The following RBM27 variants were observed in gnomAD, a reference collection of about 807,000 sequenced individuals.
The protein encoded by RBM27 is RNA binding motif protein 27.
Under a neutral mutation model 135.3 loss-of-function variants are expected in RBM27, and 22 were observed. The observed-to-expected ratio is 0.16, with a 90% confidence interval of 0.12 to 0.23. The LOEUF is 0.23. RBM27 is among the 10% of genes least tolerant of loss of function. The pLI, the probability that RBM27 is intolerant of heterozygous loss-of-function variation, is 1.00. For synonymous variants in RBM27, 481 were observed against 442.4 expected (o/e 1.09, Z -1.10); for missense variants, 1,009 against 1,281.0 (o/e 0.79, Z 3.24).
chr5:146,269,687 C>T (rs1306499224), intron 17 of RBM27, 103 bp downstream of exon 17: 1 of 573,006 alleles, frequency 1.7e-6, no homozygotes, highest in Non-Finnish European at 2.6e-6. Context: ...AATATCCTAA[C>T]AGGGATATAG....
intron 1 of RBM27, among the ~76,000 whole-genome samples, chr5:146,208,480 A>G (rs1755800210): frequency 6.6e-6 from 1 of 152,190 alleles, no homozygotes; most frequent in Non-Finnish European, 1.5e-5. Flanking sequence ...GCAATGCAGT[A>G]AAAGGGAGGG....
intron 1 of RBM27, among the ~76,000 whole-genome samples, chr5:146,209,535 A>G (rs1349640883): frequency 6.6e-6 from 1 of 152,192 alleles, no homozygotes; most frequent in African/African-American, 2.4e-5. Flanking sequence ...ATCATGATGC[A>G]TATACTTTGG....
At chr5:146,235,159 T>A (rs1341995921) in intron 7 of RBM27, among the ~76,000 whole-genome samples, 4 of 152,216 alleles carry the variant, frequency 2.6e-5, no homozygotes, top group Admixed American at 2.6e-4. Context: ...CATTTTATTT[T>A]GAAATAATTA....
At chr5:146,233,788 A>G in intron 7 of RBM27, 45 bp downstream of exon 7, 2 of 1,311,724 alleles carry the variant, frequency 1.5e-6, no homozygotes, top group African/African-American at 1.5e-5. Flanking sequence ...TCTGTTTAGA[A>G]GAACCTCATC....
In RBM27 at chr5:146,238,657, A is replaced by AT. The variant is rs34275433; in HGVS notation, c.1279+1242dup. 6.6e-3 allele frequency among the ~76,000 whole-genome samples: 938 copies of AT among 142,420 alleles called. 5 individuals carry two copies. The highest frequency in any genetic ancestry group is 0.019 in the African/African-American group (722 of 38,708). The allele number at this position is 142,420 out of a possible 152,430, so 93.4% of individuals were successfully genotyped here. A position where few individuals can be genotyped will look rare whatever the true frequency, so the allele number is the denominator to read the frequency against. On this transcript the variant is annotated intron_variant, in intron 8 of 20. Transcript: ENST00000265271. ...GTTGTTAAAAATGTCAAATTAGAAGATTTTTTTTTTTTTTTTTACAAGGCC... is the reference window on the plus strand; with the variant it reads ...GTTGTTAAAAATGTCAAATTAGAAGATTTTTTTTTTTTTTTTTTACAAGGCC...
chr5:146,210,591 A>G (rs1372624334), intron 1 of RBM27, among the ~76,000 whole-genome samples: 1 of 152,128 alleles, frequency 6.6e-6, no homozygotes, highest in East Asian at 1.9e-4. Context: ...GGCCCTCACT[A>G]GACTCCAAGT....
chr5:146,229,513 A>G (rs998372116), intron 4 of RBM27, among the ~76,000 whole-genome samples: 3 of 120,422 alleles, frequency 2.5e-5, no homozygotes, highest in Non-Finnish European at 5.1e-5. Flanking sequence ...TCTTTTTTTC[A>G]TTTCTCCCCA....
chr5:146,221,308 T>A (rs148420305), intron 2 of RBM27, among the ~76,000 whole-genome samples: 1 of 152,340 alleles, frequency 6.6e-6, no homozygotes, highest in East Asian at 1.9e-4. Context: ...AGCTTGTGTG[T>A]GTCTTTCTAG....
At chr5:146,236,559 T>G (rs558720499) in intron 7 of RBM27, among the ~76,000 whole-genome samples, 2 of 152,214 alleles carry the variant, frequency 1.3e-5, no homozygotes, top group South Asian at 4.1e-4. Context: ...TATTAAATTC[T>G]TTAATTCTAT....
intron 7 of RBM27, among the ~76,000 whole-genome samples, chr5:146,235,719 C>CCCTAA (rs1387054626): frequency 2.0e-5 from 3 of 151,386 alleles, no homozygotes; most frequent in Non-Finnish European, 4.4e-5. Context: ...TCACTCTGTG[C>CCCTAA]CCTAGGCTGG....
intron 19 of RBM27, among the ~76,000 whole-genome samples, chr5:146,280,441 T>G (rs1759288314): frequency 6.6e-6 from 1 of 152,214 alleles, no homozygotes; most frequent in African/African-American, 2.4e-5. Flanking sequence ...AACATATAGT[T>G]CAATGATTTA....
intron 19 of RBM27, among the ~76,000 whole-genome samples, chr5:146,281,220 G>A (rs1431084892): frequency 6.6e-6 from 1 of 152,018 alleles, no homozygotes; most frequent in Non-Finnish European, 1.5e-5. Context: ...AATGGCCCCC[G>A]AATGTAGTTC....
chr5:146,216,811 C>T (rs1381499412), intron 1 of RBM27, among the ~76,000 whole-genome samples: 1 of 152,104 alleles, frequency 6.6e-6, no homozygotes, highest in Non-Finnish European at 1.5e-5. Flanking sequence ...GTGTGCGCCA[C>T]CATGCCTGGC....
chr5:146,229,375 A>G (rs1756823505), intron 4 of RBM27, among the ~76,000 whole-genome samples: 1 of 152,180 alleles, frequency 6.6e-6, no homozygotes, highest in East Asian at 1.9e-4. Context: ...CAACTTGTAT[A>G]TTGAATCATC....
intron 18 of RBM27, 34 bp from the exon 19 acceptor site, chr5:146,271,449 T>A: frequency 6.5e-7 from 1 of 1,534,222 alleles, no homozygotes; most frequent in Non-Finnish European, 8.9e-7. Context: ...AGTCTAATAA[T>A]GTATGCTACA....
chr5:146,284,693 T>C lies in RBM27; in HGVS notation c.3060T>C (p.Ser1020=). 2 of 1,613,110 alleles carry C rather than the reference T, an allele frequency of 1.2e-6. No homozygotes were observed. Among genetic ancestry groups the C allele is most frequent in the Admixed American group, 1.7e-5 (1 of 59,904 alleles). ...CATGGCACAAGCCCAAGGTACCATC[T>C]ATATCCACTGAGACTGAAGAAGAAG... ...QISWHKPKVP[S]ISTETEEEEV... The change falls in exon 20 of 21, where the codon TCT becomes TCC. Residue 1020 remains serine (S), a synonymous_variant. Coordinates refer to ENST00000265271, the MANE Select transcript of RBM27 (RefSeq NM_018989.2).
intron 19 of RBM27, among the ~76,000 whole-genome samples, chr5:146,280,944 G>A (rs1759324117): frequency 1.3e-5 from 2 of 151,922 alleles, no homozygotes; most frequent in Non-Finnish European, 1.5e-5. Context: ...TGCAGCCTTC[G>A]CCTCCCGGGT....
At position 146,211,575 on chromosome 5, in the gene RBM27, G is replaced by T. The variant is rs576220396; in HGVS notation, c.60-7410G>T. ...CGGCTCACCACAACCTCCGCCTCCT[G>T]GGTTCAAGCTATTATCCTGCCTCAG... On this transcript the variant is annotated intron_variant, in intron 1 of 20. Coordinates refer to ENST00000265271, the MANE Select transcript of RBM27 (RefSeq NM_018989.2). 4.1e-5 allele frequency among the ~76,000 whole-genome samples: 6 copies of T among 147,872 alleles called. No individual in the cohort carries two copies. In the East Asian group the frequency reaches 1.2e-3, roughly 30 times the overall value.
intron 19 of RBM27, among the ~76,000 whole-genome samples, chr5:146,280,883 A>G (rs950510083): frequency 1.2e-4 from 18 of 151,994 alleles, no homozygotes; most frequent in African/African-American, 4.3e-4. Context: ...TTTGAGACAG[A>G]GTCTCGCTCT....
Sources: gnomAD v4.1 joint callset for allele counts (sites outside exome capture counted in the v4.1 genomes callset) on GRCh38, gnomAD v4.1.1 for gene constraint, MANE v1.5 for transcripts, NCBI Gene and HGNC (gene_info 2026-07-23, HGNC 2026-07-21) for gene names.